Variants in PRKCG observed in about 807,000 individuals in gnomAD.
PRKCG encodes protein kinase C gamma.
In PRKCG, 28 loss-of-function variants were observed where a neutral mutation model predicts 82.0. The observed-to-expected ratio is 0.34, with a 90% CI of 0.25 to 0.47. PRKCG has a LOEUF of 0.47. Ranked by LOEUF, PRKCG falls within the 20% of genes least tolerant of loss-of-function variation. The probability of loss-of-function intolerance (pLI) is 1.00; values close to 1 mark genes in which losing one functional copy is unlikely to be tolerated. For missense variants in PRKCG, 640 were observed against 952.7 expected (o/e 0.67, Z 4.32); for synonymous variants, 383 against 376.6 (o/e 1.02, Z -0.20).
intron 11 of PRKCG, among the ~76,000 whole-genome samples, chr19:53,898,912 A>T (rs567574427): frequency 3.5e-5 from 2 of 57,166 alleles, no homozygotes; most frequent in Non-Finnish European, 6.1e-5. Context: ...GGAGGGACTC[A>T]TCGGGGGCGT....
chr19:53,900,541 A>G lies in PRKCG; in HGVS notation c.1436+60A>G. The G allele has an allele frequency of 6.2e-7, 1 of 1,614,208 alleles. No individual in the cohort carries two copies. Among genetic ancestry groups the G allele is most frequent in the Non-Finnish European group, 8.5e-7 (1 of 1,180,024 alleles). ...ACGCCCCTGGAAGGGAAGGGATTTG[A>G]ATATGTGGCTCTAGACTGCTGAACT... On this transcript the variant is annotated intron_variant, in intron 13 of 17. Coordinates refer to ENST00000263431, the MANE Select transcript of PRKCG (RefSeq NM_002739.5). The surrounding 1 kb of genome is among the most constrained non-coding windows in gnomAD (Gnocchi z 4.2).
In PRKCG at chr19:53,882,771, C is replaced by G; in HGVS notation, c.170+107C>G. 6.9e-7 allele frequency: 1 copy of G among 1,444,500 alleles called. No individual in the cohort carries two copies. Among genetic ancestry groups the G allele is most frequent in the Non-Finnish European group, 9.3e-7 (1 of 1,078,392 alleles). The allele number at this position is 1,444,500 out of a possible 1,614,324, so 89.5% of individuals were successfully genotyped here. A position where few individuals can be genotyped will look rare whatever the true frequency, so the allele number is the denominator to read the frequency against. On this transcript the variant is annotated intron_variant, in intron 1 of 17. Transcript: ENST00000263431. The surrounding 1 kb of genome is among the most constrained non-coding windows in gnomAD (Gnocchi z 6.1). ...GAAGGAGGGGGCTGTAGTCCCGACT[C>G]CCAGGTTCTAGGATGGCCAGGGAAC...
chr19:53,907,366 C>T lies in PRKCG; in HGVS notation c.*471C>T, dbSNP rs1333198144. 1 of 211,672 alleles carries T rather than the reference C, an allele frequency of 4.7e-6. No individual in the cohort carries two copies. Among genetic ancestry groups the T allele is most frequent in the Non-Finnish European group, 9.7e-6 (1 of 102,672 alleles). The allele number at this position is 211,672 out of a possible 1,614,324, so 13.1% of individuals were successfully genotyped here. A position where few individuals can be genotyped will look rare whatever the true frequency, so the allele number is the denominator to read the frequency against. On this transcript the variant is annotated 3_prime_UTR_variant, in exon 18 of 18. Transcript: ENST00000263431. ...TCTAGATGAGTGGGAGGCGTGCCCC[C>T]CTCCTCCAGTACGTCCCGCTGCTGT...
intron 14 of PRKCG, among the ~76,000 whole-genome samples, 183 bp from the exon 15 acceptor site, chr19:53,902,890 C>CAAAAAAAAAAAAAAAAAAAAAAAAAAAA (rs56955659): frequency 1.0e-4 from 2 of 19,974 alleles, no homozygotes; most frequent in African/African-American, 1.4e-4. Flanking sequence ...GAGACCCTGT[C>CAAAAAAAAAAAAAAAAAAAAAAAAAAAA]AAAAAAAAAA....
Position 53,882,289 on chromosome 19 carries a change from C to A in PRKCG, c.-206C>A, listed in dbSNP as rs780097009. The stretch of plus-strand genomic sequence containing the variant: ...CTGCCTTTGGCTCTTCCTCCCCACT[C>A]GCCCGCTCCCCCTGGCGGAGCCGGC... On this transcript the variant is annotated 5_prime_UTR_variant, in exon 1 of 18. Transcript: ENST00000263431. This position sits in a 1 kb window ranked among gnomAD's most constrained non-coding sequence, Gnocchi z 6.1. 2 of 698,596 alleles carry A rather than the reference C, an allele frequency of 2.9e-6. No individual in the cohort carries two copies. Among genetic ancestry groups the A allele is most frequent in the Non-Finnish European group, 4.7e-6 (2 of 422,532 alleles). The allele number at this position is 698,596 out of a possible 1,614,324, so 43.3% of individuals were successfully genotyped here.
intron 14 of PRKCG, among the ~76,000 whole-genome samples, chr19:53,902,054 C>T (rs1046699780): frequency 6.6e-6 from 1 of 151,962 alleles, no homozygotes; most frequent in Non-Finnish European, 1.5e-5. Flanking sequence ...GTGCCTGACT[C>T]GTGCCCAAAT....
At chr19:53,888,054 G>A (rs1436851662) in intron 3 of PRKCG, among the ~76,000 whole-genome samples, 4 of 152,246 alleles carry the variant, frequency 2.6e-5, no homozygotes, top group Middle Eastern at 3.4e-3. Flanking sequence ...TAACAGCGAC[G>A]TTCACTTTTG....
intron 9 of PRKCG, among the ~76,000 whole-genome samples, chr19:53,895,926 G>C (rs994920202): frequency 6.6e-5 from 10 of 152,034 alleles, no homozygotes; most frequent in African/African-American, 2.4e-4. Context: ...TGGGCGTGGT[G>C]GTGGGTGCCT....
rs530254961 is a variant in PRKCG at position 53,882,792 on chromosome 19, G to A, written c.170+128G>A. ...GACTCCCAGGTTCTAGGATGGCCAGGGAACGCTGGGAGCTTCGACTCCTGG... is the reference window on the plus strand; with the variant it reads ...GACTCCCAGGTTCTAGGATGGCCAGAGAACGCTGGGAGCTTCGACTCCTGG... On this transcript the variant is annotated intron_variant, in intron 1 of 17. Transcript: ENST00000263431. The surrounding 1 kb of genome is among the most constrained non-coding windows in gnomAD (Gnocchi z 6.1). 7.6e-7 allele frequency: 1 copy of A among 1,313,914 alleles called. No homozygotes were observed. Among genetic ancestry groups the A allele is most frequent in the East Asian group, 2.5e-5 (1 of 39,992 alleles). 81.4% of individuals were successfully genotyped at this position (1,313,914 alleles called of 1,614,324 possible).
Position 53,882,733 on chromosome 19 carries a change from C to A in PRKCG, c.170+69C>A. The A allele has an allele frequency of 1.3e-6, 2 of 1,577,368 alleles. No individual in the cohort carries two copies. Among genetic ancestry groups the A allele is most frequent in the South Asian group, 1.1e-5 (1 of 87,834 alleles). On this transcript the variant is annotated intron_variant, in intron 1 of 17. Transcript: ENST00000263431. The surrounding 1 kb of genome is among the most constrained non-coding windows in gnomAD (Gnocchi z 6.1). The stretch of plus-strand genomic sequence containing the variant: ...GGTGCAGACTCCTATCACGCCGACC[C>A]CTGTGGAAGGAAGAAGGAGGGGGCT...
chr19:53,896,794 C>T (rs907686287), intron 9 of PRKCG, among the ~76,000 whole-genome samples: 1 of 152,152 alleles, frequency 6.6e-6, no homozygotes, highest in African/African-American at 2.4e-5. Flanking sequence ...AGACCCCTGC[C>T]TTAGGGAGCT....
rs2068613861 is a variant in PRKCG, at chr19:53,884,101, G to C, written c.203-60G>C. 2.0e-6 allele frequency: 3 copies of C among 1,532,842 alleles called. No homozygotes were observed. In the African/African-American group the frequency reaches 4.1e-5, roughly 21 times the overall value. 95.0% of individuals were successfully genotyped at this position (1,532,842 alleles called of 1,614,324 possible). A position where few individuals can be genotyped will look rare whatever the true frequency, so the allele number is the denominator to read the frequency against. On this transcript the variant is annotated intron_variant, in intron 2 of 17. Coordinates refer to ENST00000263431, the MANE Select transcript of PRKCG (RefSeq NM_002739.5). The surrounding 1 kb of genome is among the most constrained non-coding windows in gnomAD (Gnocchi z 4.6). The stretch of plus-strand genomic sequence containing the variant: ...CTCTCTTTCCAATTTTCTGTCTGCT[G>C]GGGTCTCCCGCTGGACTAATCCATG...
At position 53,906,928 on chromosome 19, in the gene PRKCG, C is replaced by T. The variant is rs1293053984; in HGVS notation, c.*33C>T. 6.2e-7 allele frequency: 1 copy of T among 1,612,808 alleles called. No individual in the cohort carries two copies. Among genetic ancestry groups the T allele is most frequent in the Non-Finnish European group, 8.5e-7 (1 of 1,179,646 alleles). On this transcript the variant is annotated 3_prime_UTR_variant, in exon 18 of 18. Transcript: ENST00000263431. ...CGCCGCCACTAGGTGTCCCCAACGT[C>T]CCCTCCGCCGTGCCGGCGGCAGCCC...
intron 9 of PRKCG, among the ~76,000 whole-genome samples, chr19:53,893,965 C>T (rs1370266369): frequency 1.3e-5 from 2 of 151,852 alleles, no homozygotes; most frequent in Non-Finnish European, 2.9e-5. Context: ...CCATGTTGGC[C>T]AGGCTGATCT....
At chr19:53,886,227 C>T (rs1446479573) in intron 3 of PRKCG, among the ~76,000 whole-genome samples, 2 of 151,702 alleles carry the variant, frequency 1.3e-5, no homozygotes, top group East Asian at 3.9e-4. Context: ...GCCTCAGCCT[C>T]CCGAGTAGCT....
Position 53,892,776 on chromosome 19 carries a change from ACACACGCACACACACG to A in PRKCG, c.821+139_821+154del, listed in dbSNP as rs1451351393. 9.9e-7 allele frequency: 1 copy of A among 1,008,530 alleles called. No individual in the cohort carries two copies. Among genetic ancestry groups the A allele is most frequent in the Non-Finnish European group, 1.4e-6 (1 of 700,830 alleles). The allele number at this position is 1,008,530 out of a possible 1,614,324, so 62.5% of individuals were successfully genotyped here. Reference sequence around the variant, plus strand: ...CGCACACACACACACACACACACACACACACGCACACACACGCACACACCCCTCTCTCTCTATTCTT... The same window carrying A: ...CGCACACACACACACACACACACACACACACACCCCTCTCTCTCTATTCTT... On this transcript the variant is annotated intron_variant, in intron 7 of 17. Coordinates refer to ENST00000263431, the MANE Select transcript of PRKCG (RefSeq NM_002739.5). The surrounding 1 kb of genome is among the most constrained non-coding windows in gnomAD (Gnocchi z 5.9).
In PRKCG at chr19:53,906,950, G is replaced by A; in HGVS notation, c.*55G>A. ...CGTCCCCTCCGCCGTGCCGGCGGCA[G>A]CCCCACTTCACCCCCAACTTCACCA... On this transcript the variant is annotated 3_prime_UTR_variant, in exon 18 of 18. Transcript: ENST00000263431. The A allele has an allele frequency of 6.2e-7, 1 of 1,608,744 alleles. No individual in the cohort carries two copies. The highest frequency in any genetic ancestry group is 8.5e-7 in the Non-Finnish European group (1 of 1,178,662).
At chr19:53,890,106 C>G in intron 5 of PRKCG, 89 bp downstream of exon 5, 1 of 1,388,118 alleles carries the variant, frequency 7.2e-7, no homozygotes, top group Non-Finnish European at 9.9e-7. Flanking sequence ...CCAGCCCTAC[C>G]CCAAAGATGG....
At chr19:53,899,932 A>G (rs973363679) in intron 11 of PRKCG, among the ~76,000 whole-genome samples, 1 of 152,184 alleles carries the variant, frequency 6.6e-6, no homozygotes, top group Non-Finnish European at 1.5e-5. Flanking sequence ...TCTGTGTGTG[A>G]GTGGCTGTGG....
Sources: gnomAD v4.1 joint callset for allele counts (sites outside exome capture counted in the v4.1 genomes callset) on GRCh38, gnomAD v4.1.1 for gene constraint, Gnocchi (gnomAD v3.1) non-coding constraint, MANE v1.5 for transcripts, NCBI Gene and HGNC (gene_info 2026-07-23, HGNC 2026-07-21) for gene names.